Variants in KMT5B observed in about 807,000 individuals in gnomAD.
The protein encoded by KMT5B is histone-lysine N-methyltransferase KMT5B.
In KMT5B, 10 loss-of-function variants were observed where a neutral mutation model predicts 83.2. That is an observed-to-expected ratio of 0.12 (90% CI 0.07 to 0.20). The LOEUF is 0.20. KMT5B is among the 10% of genes least tolerant of loss of function. The pLI is 1.00. For missense variants in KMT5B, 753 were observed against 1,067.2 expected, an observed-to-expected ratio of 0.71 and a Z score of 4.10; for synonymous variants, 349 against 388.8, an observed-to-expected ratio of 0.90 and a Z score of 1.20.
intron 10 of KMT5B, among the ~76,000 whole-genome samples, chr11:68,160,175 G>A (rs967425312): frequency 6.6e-6 from 1 of 152,196 alleles, no homozygotes; most frequent in Non-Finnish European, 1.5e-5. Flanking sequence ...CCTACAAGGT[G>A]GATCGAATAG....
chr11:68,212,313 A>C (rs534441821), intron 1 of KMT5B, among the ~76,000 whole-genome samples: 4 of 152,288 alleles, frequency 2.6e-5, no homozygotes, highest in African/African-American at 7.2e-5. Context: ...TTCTAAGGAA[A>C]ACTCCCCCCA....
At chr11:68,177,577 C>T (rs1159166580) in intron 4 of KMT5B, among the ~76,000 whole-genome samples, 2 of 152,108 alleles carry the variant, frequency 1.3e-5, no homozygotes, top group Non-Finnish European at 2.9e-5. Context: ...ACTAGCTACA[C>T]ACTCTAGTCA....
chr11:68,186,018 G>A, intron 2 of KMT5B, 90 bp from the exon 3 acceptor site: 40 of 1,150,534 alleles, frequency 3.5e-5, no homozygotes, highest in Middle Eastern at 2.1e-4. Flanking sequence ...CATTCAAGCT[G>A]GTAATAAAGA....
chr11:68,206,652 G>A (rs1402206029), intron 1 of KMT5B, among the ~76,000 whole-genome samples: 1 of 152,184 alleles, frequency 6.6e-6, no homozygotes, highest in African/African-American at 2.4e-5. Flanking sequence ...TTTGGCACAA[G>A]ATATTTTAAA....
intron 1 of KMT5B, among the ~76,000 whole-genome samples, chr11:68,199,309 G>A: frequency 6.6e-6 from 1 of 152,168 alleles, no homozygotes; most frequent in East Asian, 1.9e-4. Context: ...GGGGGAATAA[G>A]CCATTTATGG....
chr11:68,182,039 G>A (rs1011857133), intron 3 of KMT5B, among the ~76,000 whole-genome samples: 15 of 152,318 alleles, frequency 9.8e-5, no homozygotes, highest in Admixed American at 9.2e-4. Context: ...CTTAAAAAAT[G>A]ATTTCTTCTG....
chr11:68,191,426 C>T (rs1833107101), intron 1 of KMT5B, among the ~76,000 whole-genome samples: 1 of 152,088 alleles, frequency 6.6e-6, no homozygotes, highest in Admixed American at 6.6e-5. Context: ...CTCCACCTCC[C>T]AGGTTCAAAT....
At chr11:68,168,049 G>A (rs552022014) in intron 9 of KMT5B, among the ~76,000 whole-genome samples, 5 of 152,032 alleles carry the variant, frequency 3.3e-5, no homozygotes, top group African/African-American at 1.2e-4. Context: ...GATGGCAGGC[G>A]CCTGTAGTCC....
intron 1 of KMT5B, among the ~76,000 whole-genome samples, chr11:68,202,522 G>A (rs565938624): frequency 2.2e-4 from 32 of 148,772 alleles, no homozygotes; most frequent in African/African-American, 6.9e-4. Context: ...GGTAACACCT[G>A]CCTTCCCTAC....
chr11:68,167,229 A>G (rs1855395366), intron 9 of KMT5B, 51 bp from the exon 10 acceptor site: 1 of 1,545,378 alleles, frequency 6.5e-7, no homozygotes, highest in Non-Finnish European at 8.7e-7. Context: ...CTTTCTTATA[A>G]TAAGCTTAAC....
At chr11:68,170,690 G>T (rs186023989) in intron 9 of KMT5B, among the ~76,000 whole-genome samples, 3 of 152,164 alleles carry the variant, frequency 2.0e-5, no homozygotes, top group Admixed American at 2.0e-4. Context: ...TTTGAGTAGC[G>T]GCAACCCCAT....
chr11:68,162,825 C>T (rs931463623), intron 10 of KMT5B, among the ~76,000 whole-genome samples: 10 of 152,090 alleles, frequency 6.6e-5, no homozygotes, highest in African/African-American at 2.4e-4. Flanking sequence ...ATTATCTCAT[C>T]AAAAGCCCTG....
chr11:68,166,096 C>G, intron 10 of KMT5B: 1 of 1,472,296 alleles, frequency 6.8e-7, no homozygotes, highest in Non-Finnish European at 9.0e-7. Flanking sequence ...CTTTCGGAAT[C>G]GCCAAGTCAA....
At chr11:68,193,325 C>T (rs771600451) in intron 1 of KMT5B, among the ~76,000 whole-genome samples, 1 of 152,154 alleles carries the variant, frequency 6.6e-6, no homozygotes, top group Non-Finnish European at 1.5e-5. Context: ...TAGAAAAGTA[C>T]AAATGATAAA....
At chr11:68,205,500 A>AC (rs1859982718) in intron 1 of KMT5B, among the ~76,000 whole-genome samples, 1 of 152,076 alleles carries the variant, frequency 6.6e-6, no homozygotes, top group Non-Finnish European at 1.5e-5. Flanking sequence ...GTAATTGAAC[A>AC]TTTTTCTATT....
At chr11:68,170,883 A>G (rs907914677) in intron 9 of KMT5B, 132 bp downstream of exon 9, 5 of 950,684 alleles carry the variant, frequency 5.3e-6, no homozygotes, top group Non-Finnish European at 4.6e-6. Context: ...TACACACTGC[A>G]CCAGCCGCTA....
At chr11:68,206,580 C>T (rs1410943325) in intron 1 of KMT5B, among the ~76,000 whole-genome samples, 1 of 152,152 alleles carries the variant, frequency 6.6e-6, no homozygotes, top group Non-Finnish European at 1.5e-5. Flanking sequence ...GCAGTGTGAG[C>T]AGACGAGTTA....
chr11:68,213,382 G>GGCCGCCGCC (rs1202512636), upstream of KMT5B: 1 of 132,366 alleles, frequency 7.6e-6, no homozygotes, highest in Non-Finnish European at 1.6e-5. Context: ...GCCCCCAACC[G>GGCCGCCGCC]GCCGCCGCCG....
chr11:68,199,789 A>C (rs554655032), intron 1 of KMT5B, among the ~76,000 whole-genome samples: 111 of 152,338 alleles, frequency 7.3e-4, no homozygotes, highest in African/African-American at 2.6e-3. Flanking sequence ...CAGAGGTGGC[A>C]AGAAGTGGTT....
Sources: allele counts gnomAD v4.1 joint callset (sites outside exome capture counted in the v4.1 genomes callset), GRCh38; gene constraint gnomAD v4.1.1; transcripts MANE v1.5; gene names NCBI Gene and HGNC (gene_info 2026-07-23, HGNC 2026-07-21).